The following STXBP5L variants were observed in gnomAD, a reference collection of about 807,000 sequenced individuals.
The protein encoded by STXBP5L is syntaxin binding protein 5L.
A neutral mutation model predicts 144.5 loss-of-function variants in STXBP5L; 65 were observed. The ratio of observed to expected loss-of-function variants is 0.45; its 90% confidence interval spans 0.37 to 0.55. The LOEUF is 0.55. STXBP5L is among the 20% of genes least tolerant of loss of function. The probability of loss-of-function intolerance (pLI) is 0.00; values close to 1 mark genes in which losing one functional copy is unlikely to be tolerated. For missense variants in STXBP5L, 1,298 were observed against 1,405.5 expected, an observed-to-expected ratio of 0.92 and a Z score of 1.22; for synonymous variants, 505 against 469.6, an observed-to-expected ratio of 1.08 and a Z score of -0.97.
chr3:121,041,541 C>T (rs1349326699), intron 3 of STXBP5L, among the ~76,000 whole-genome samples, 159 bp from the exon 4 acceptor site: 1 of 151,838 alleles, frequency 6.6e-6, no homozygotes, highest in African/African-American at 2.4e-5. Context: ...CTGAGGTATA[C>T]AATTTAATTT....
intron 7 of STXBP5L, among the ~76,000 whole-genome samples, chr3:121,141,356 T>C (rs1030458444): frequency 6.6e-6 from 1 of 152,126 alleles, no homozygotes; most frequent in Non-Finnish European, 1.5e-5. Flanking sequence ...TGAGCTGAGA[T>C]TGTGCCATTG....
chr3:121,057,570 T>C (rs761183541), intron 5 of STXBP5L, among the ~76,000 whole-genome samples: 1 of 152,026 alleles, frequency 6.6e-6, no homozygotes, highest in Non-Finnish European at 1.5e-5. Flanking sequence ...AAAAATGGAA[T>C]AATATATATA....
At chr3:121,236,557 G>T (rs765502740) in intron 12 of STXBP5L, among the ~76,000 whole-genome samples, 5 of 152,104 alleles carry the variant, frequency 3.3e-5, no homozygotes, top group Non-Finnish European at 7.4e-5. Flanking sequence ...TAAACAACCA[G>T]CTCTCATGGG....
At chr3:121,072,800 C>G (rs753965142) in intron 5 of STXBP5L, among the ~76,000 whole-genome samples, 1 of 152,208 alleles carries the variant, frequency 6.6e-6, no homozygotes. Flanking sequence ...GGAGCCCATA[C>G]GGCTTCTAAG....
intron 3 of STXBP5L, among the ~76,000 whole-genome samples, chr3:121,029,792 G>T (rs759956855): frequency 1.3e-5 from 2 of 150,730 alleles, no homozygotes; most frequent in African/African-American, 2.4e-5. Flanking sequence ...TCTGACAAAA[G>T]ACTAATATGC....
intron 9 of STXBP5L, among the ~76,000 whole-genome samples, chr3:121,200,639 C>T (rs2048102467): frequency 6.6e-6 from 1 of 152,156 alleles, no homozygotes; most frequent in African/African-American, 2.4e-5. Flanking sequence ...CTGCTCTTAA[C>T]ACTGATTTAG....
chr3:121,377,779 A>G (rs1286415604), intron 20 of STXBP5L, among the ~76,000 whole-genome samples: 1 of 152,236 alleles, frequency 6.6e-6, no homozygotes, highest in East Asian at 1.9e-4. Flanking sequence ...TCAAGGATCT[A>G]GAACCAGAAA....
intron 11 of STXBP5L, among the ~76,000 whole-genome samples, chr3:121,225,651 G>A (rs1370345082): frequency 6.6e-6 from 1 of 152,114 alleles, no homozygotes; most frequent in Non-Finnish European, 1.5e-5. Context: ...AACATTGAAA[G>A]CATGCCAGGG....
intron 14 of STXBP5L, among the ~76,000 whole-genome samples, chr3:121,248,725 G>A (rs547208099): frequency 1.3e-5 from 2 of 152,218 alleles, no homozygotes; most frequent in East Asian, 1.9e-4. Context: ...TGCCAAGGCT[G>A]ATATCAAGAA....
intron 23 of STXBP5L, among the ~76,000 whole-genome samples, chr3:121,412,727 C>CAAAAAAAAAAAAAAAAAAAAAAAAAA (rs35247157): frequency 8.8e-4 from 61 of 69,612 alleles, no homozygotes; most frequent in Non-Finnish European, 1.1e-3. Flanking sequence ...TTTCTCCCTC[C>CAAAAAAAAAAAAAAAAAAAAAAAAAA]AAAAAAAAAA....
chr3:120,977,641 G>T (rs536828002), intron 3 of STXBP5L, among the ~76,000 whole-genome samples: 1 of 152,236 alleles, frequency 6.6e-6, no homozygotes, highest in East Asian at 1.9e-4. Flanking sequence ...TCCTAGCTTC[G>T]ATGGTCTTTA....
intron 19 of STXBP5L, among the ~76,000 whole-genome samples, chr3:121,285,302 G>A (rs530177756): frequency 6.6e-6 from 1 of 152,082 alleles, no homozygotes; most frequent in South Asian, 2.1e-4. Flanking sequence ...GTCTCTCAAA[G>A]CCACACAGAA....
chr3:121,266,531 C>T (rs2050573238), intron 18 of STXBP5L, among the ~76,000 whole-genome samples: 1 of 152,166 alleles, frequency 6.6e-6, no homozygotes, highest in Admixed American at 6.5e-5. Context: ...ACTCAATAGG[C>T]ACAAGCTGGG....
At chr3:121,046,693 G>C (rs1947538507) in intron 5 of STXBP5L, among the ~76,000 whole-genome samples, 1 of 151,954 alleles carries the variant, frequency 6.6e-6, no homozygotes, top group Non-Finnish European at 1.5e-5. Context: ...TTTCTGTGGG[G>C]TTGGTGGTAA....
intron 7 of STXBP5L, among the ~76,000 whole-genome samples, chr3:121,151,040 T>C (rs771717659): frequency 1.4e-4 from 21 of 152,000 alleles, no homozygotes; most frequent in Non-Finnish European, 2.4e-4. Flanking sequence ...TGAGCAGAGA[T>C]TGTGCCACTG....
rs565442820 is a variant in STXBP5L at position 120,998,478 on chromosome 3, A to G, written c.288-43222A>G. On this transcript the variant is annotated intron_variant, in intron 3 of 26. Transcript: ENST00000471454. Reference sequence around the variant, plus strand: ...TACACGTGCCATGGTGGTTTGCTGCACCCATCAACCCATCATCTACATTAG... The same window carrying G: ...TACACGTGCCATGGTGGTTTGCTGCGCCCATCAACCCATCATCTACATTAG... Among the ~76,000 whole-genome samples the G allele has an allele frequency of 2.6e-5, 4 of 152,016 alleles. No individual in the cohort carries two copies. The South Asian group carries it at 8.3e-4, about 32-fold the overall frequency.
intron 13 of STXBP5L, 39 bp downstream of exon 13, chr3:121,239,157 T>C: frequency 8.3e-7 from 1 of 1,204,072 alleles, no homozygotes; most frequent in Non-Finnish European, 1.2e-6. Context: ...TTTGTATTCA[T>C]ATCACATGAT....
At chr3:121,349,523 C>T (rs1462439011) in intron 20 of STXBP5L, among the ~76,000 whole-genome samples, 2 of 152,030 alleles carry the variant, frequency 1.3e-5, no homozygotes, top group African/African-American at 4.8e-5. Flanking sequence ...TGTTAACTTT[C>T]TGTCTCGTTG....
intron 3 of STXBP5L, among the ~76,000 whole-genome samples, chr3:120,972,360 T>C (rs1373427221): frequency 6.6e-6 from 1 of 152,120 alleles, no homozygotes; most frequent in East Asian, 1.9e-4. Flanking sequence ...CTTGATTTGC[T>C]TCTCAGCTTC....
Sources: allele counts gnomAD v4.1 joint callset (sites outside exome capture counted in the v4.1 genomes callset), GRCh38; gene constraint gnomAD v4.1.1; transcripts MANE v1.5; gene names NCBI Gene and HGNC (gene_info 2026-07-23, HGNC 2026-07-21).